The following TRAPPC9 variants were observed in gnomAD, a reference collection of about 807,000 sequenced individuals.
TRAPPC9 encodes trafficking protein particle complex subunit 9, also known as IKK2 binding protein.
A neutral mutation model predicts 124.0 loss-of-function variants in TRAPPC9; 83 were observed. The ratio of observed to expected loss-of-function variants is 0.67; its 90% CI spans 0.56 to 0.80. The LOEUF (loss-of-function observed/expected upper bound fraction) is 0.80. Among genes scored for constraint, TRAPPC9 ranks in the 30% least tolerant of loss-of-function variants. The pLI is 0.00. For missense variants in TRAPPC9, 1,302 were observed against 1,508.3 expected, an observed-to-expected ratio of 0.86 and a Z score of 2.27; for synonymous variants, 638 against 617.5, an observed-to-expected ratio of 1.03 and a Z score of -0.49.
intron 9 of TRAPPC9, among the ~76,000 whole-genome samples, chr8:140,332,294 G>A (rs2066914003): frequency 6.6e-6 from 1 of 152,330 alleles, no homozygotes; most frequent in South Asian, 2.1e-4. Context: ...GATCTCATAA[G>A]GAGAGAGTAG....
intron 21 of TRAPPC9, among the ~76,000 whole-genome samples, chr8:139,771,139 G>T (rs1586809204): frequency 6.6e-6 from 1 of 152,110 alleles, no homozygotes; most frequent in African/African-American, 2.4e-5. Context: ...CACCTGCAGG[G>T]CAGGGAACTC....
intron 19 of TRAPPC9, among the ~76,000 whole-genome samples, chr8:139,924,278 G>A (rs1313437240): frequency 3.9e-5 from 6 of 152,168 alleles, no homozygotes; most frequent in South Asian, 4.1e-4. Flanking sequence ...CAGGCCAAGC[G>A]CTGGGCACAG....
intron 19 of TRAPPC9, among the ~76,000 whole-genome samples, chr8:139,964,860 C>T (rs1315202934): frequency 1.3e-5 from 2 of 152,208 alleles, no homozygotes; most frequent in Non-Finnish European, 2.9e-5. Flanking sequence ...GCTGCTCATA[C>T]ATGCACTTGA....
At chr8:140,263,244 C>T (rs1046878812) in intron 15 of TRAPPC9, among the ~76,000 whole-genome samples, 4 of 152,274 alleles carry the variant, frequency 2.6e-5, no homozygotes, top group African/African-American at 7.2e-5. Flanking sequence ...CTGCTGCCCC[C>T]GCCCTGCCCA....
chr8:139,764,281 G>A (rs1409909372), intron 21 of TRAPPC9, among the ~76,000 whole-genome samples: 1 of 152,176 alleles, frequency 6.6e-6, no homozygotes, highest in African/African-American at 2.4e-5. Context: ...GCTGTAGCAG[G>A]GGCAGTGAAA....
At chr8:139,812,267 T>C (rs978541997) in intron 21 of TRAPPC9, among the ~76,000 whole-genome samples, 2 of 152,188 alleles carry the variant, frequency 1.3e-5, no homozygotes, top group Admixed American at 6.5e-5. Context: ...TCATAATACA[T>C]GCTTGGCTTA....
At chr8:140,162,559 C>T (rs932360512) in intron 17 of TRAPPC9, among the ~76,000 whole-genome samples, 7 of 152,194 alleles carry the variant, frequency 4.6e-5, no homozygotes, top group South Asian at 2.1e-4. Flanking sequence ...CAAACTATAT[C>T]GCCTGTCCAC....
intron 17 of TRAPPC9, among the ~76,000 whole-genome samples, chr8:140,038,852 G>A (rs1306511242): frequency 1.3e-5 from 2 of 152,214 alleles, no homozygotes; most frequent in African/African-American, 4.8e-5. Flanking sequence ...GCCTCCATAG[G>A]ATGCAAGCCA....
intron 18 of TRAPPC9, among the ~76,000 whole-genome samples, chr8:140,008,883 G>A (rs1838936871): frequency 6.6e-6 from 1 of 152,158 alleles, no homozygotes; most frequent in South Asian, 2.1e-4. Flanking sequence ...TTATATCCCA[G>A]TAGGAAAGGC....
chr8:140,125,587 C>CTTTTTTTTTTTTTTTTTTTTTTT (rs11292333), intron 17 of TRAPPC9, among the ~76,000 whole-genome samples: 1 of 67,814 alleles, frequency 1.5e-5, no homozygotes, highest in African/African-American at 6.2e-5. Context: ...GAATCTCATT[C>CTTTTTTTTTTTTTTTTTTTTTTT]TTTTTTTTTT....
chr8:140,167,546 G>C (rs922276974), intron 17 of TRAPPC9, among the ~76,000 whole-genome samples: 1 of 152,170 alleles, frequency 6.6e-6, no homozygotes, highest in Non-Finnish European at 1.5e-5. Flanking sequence ...GCAGCAGCTG[G>C]AATGACTCTC....
intron 19 of TRAPPC9, among the ~76,000 whole-genome samples, chr8:139,951,139 T>C (rs1293624741): frequency 6.6e-6 from 1 of 152,168 alleles, no homozygotes; most frequent in Non-Finnish European, 1.5e-5. Context: ...AGAATCACCC[T>C]GACACCTCAC....
chr8:140,180,826 A>C (rs887576902), intron 17 of TRAPPC9, among the ~76,000 whole-genome samples: 2 of 152,078 alleles, frequency 1.3e-5, no homozygotes. Flanking sequence ...TTCTCAATAC[A>C]ACCAGTTTTC....
Position 140,217,878 on chromosome 8 carries a change from A to G in TRAPPC9, c.2556+3581T>C, listed in dbSNP as rs1221023184. Reference sequence around the variant, plus strand: ...CTAAAAACACAAAAATTAGCTGGGCATGGTGGTGCACGCCTGTAATCCCAG... The same window carrying G: ...CTAAAAACACAAAAATTAGCTGGGCGTGGTGGTGCACGCCTGTAATCCCAG... On this transcript the variant is annotated intron_variant, in intron 17 of 22. Coordinates refer to ENST00000438773, the MANE Select transcript of TRAPPC9 (RefSeq NM_001160372.4). 2.0e-5 allele frequency among the ~76,000 whole-genome samples: 3 copies of G among 152,146 alleles called. No homozygotes were observed. The East Asian group carries it at 5.8e-4, about 29-fold the overall frequency.
chr8:139,803,646 A>C (rs557837928), intron 21 of TRAPPC9, among the ~76,000 whole-genome samples: 17 of 152,194 alleles, frequency 1.1e-4, no homozygotes, highest in Non-Finnish European at 2.1e-4. Flanking sequence ...ACAAATGTTC[A>C]CTTCCTTCCC....
intron 17 of TRAPPC9, among the ~76,000 whole-genome samples, chr8:140,137,095 A>G (rs2061316154): frequency 6.6e-6 from 1 of 152,082 alleles, no homozygotes; most frequent in South Asian, 2.1e-4. Context: ...AAGCGGGGAG[A>G]GGGGAAAGGA....
chr8:139,846,353 T>C (rs7013367), intron 21 of TRAPPC9, among the ~76,000 whole-genome samples: 87,127 of 152,112 alleles, frequency 0.57, 27,885 homozygotes, highest in African/African-American at 0.85. Flanking sequence ...GGATAACACT[T>C]GTCTGGCTTG....
At chr8:140,401,423 T>C (rs1000425704) in intron 6 of TRAPPC9, among the ~76,000 whole-genome samples, 2 of 152,146 alleles carry the variant, frequency 1.3e-5, no homozygotes, top group Non-Finnish European at 2.9e-5. Flanking sequence ...CAGAAATCTA[T>C]CAATTGTATA....
rs967026427 is a variant in TRAPPC9 at position 139,895,677 on chromosome 8, G to C, written c.2965-9708C>G. ...GACGCTGGGACACAGCTGCACTTGAGTGTGGGCCTCACCCCGGTCAGAACT... is the reference window on the plus strand; with the variant it reads ...GACGCTGGGACACAGCTGCACTTGACTGTGGGCCTCACCCCGGTCAGAACT... On this transcript the variant is annotated intron_variant, in intron 20 of 22. Coordinates refer to ENST00000438773, the MANE Select transcript of TRAPPC9 (RefSeq NM_001160372.4). Among the ~76,000 whole-genome samples, 5 of 152,222 alleles carry C rather than the reference G, an allele frequency of 3.3e-5. No homozygotes were observed. In the East Asian group the frequency reaches 9.6e-4, roughly 29 times the overall value.
Sources: allele counts gnomAD v4.1 joint callset (sites outside exome capture counted in the v4.1 genomes callset), GRCh38; gene constraint gnomAD v4.1.1; transcripts MANE v1.5; gene names NCBI Gene and HGNC (gene_info 2026-07-23, HGNC 2026-07-21).